Variants in FXYD4 observed in about 807,000 individuals in gnomAD.
FXYD4 encodes the protein FXYD domain-containing ion transport regulator 4.
A neutral mutation model predicts 18.3 loss-of-function variants in FXYD4; 14 were observed. That is an observed-to-expected ratio of 0.77 (90% CI 0.51 to 1.20). The LOEUF (loss-of-function observed/expected upper bound fraction) is 1.20. Among genes scored for constraint, FXYD4 ranks in the 50% most tolerant of loss-of-function variants. The probability of loss-of-function intolerance (pLI) is 0.00; values close to 1 mark genes in which losing one functional copy is unlikely to be tolerated. For synonymous variants in FXYD4, 40 were observed against 40.5 expected (o/e 0.99, Z 0.04); for missense variants, 99 against 106.1 (o/e 0.93, Z 0.29).
intron 5 of FXYD4, 62 bp downstream of exon 5, chr10:43,374,701 A>G: frequency 7.3e-7 from 1 of 1,372,038 alleles, no homozygotes; most frequent in East Asian, 2.3e-5. Context: ...TTTGCTAGAC[A>G]AGTTGGTGAG....
intron 7 of FXYD4, 122 bp downstream of exon 7, chr10:43,375,856 A>G (rs1340872824): frequency 8.0e-7 from 1 of 1,245,986 alleles, no homozygotes; most frequent in East Asian, 2.3e-5. Context: ...TGTTATTCAG[A>G]TAGTCAACCC....
rs74661443 is a variant in FXYD4, at chr10:43,371,691, C to T, written c.-285C>T. 13,537 of 152,212 alleles carry T rather than the reference C, an allele frequency of 0.089. 765 individuals are homozygous for T. Among genetic ancestry groups the T allele is most frequent in the Non-Finnish European group, 0.12 (8,070 of 68,050 alleles). 9.4% of individuals were successfully genotyped at this position (152,212 alleles called of 1,614,324 possible). On this transcript the variant is annotated 5_prime_UTR_variant, in exon 1 of 9. Transcript: ENST00000476166. ...TCAGGTGAGCCCTCGCCAAGGTGAC[C>T]TCGCAGGTGAGCAGGCGTCCACTTT...
In FXYD4 at chr10:43,374,657, C is replaced by T. The variant is rs1837847099; in HGVS notation, c.97+18C>T. 1.3e-6 allele frequency: 2 copies of T among 1,600,000 alleles called. No homozygotes were observed. The highest frequency in any genetic ancestry group is 1.7e-6 in the Non-Finnish European group (2 of 1,167,122). On this transcript the variant is annotated intron_variant, in intron 5 of 8. Coordinates refer to ENST00000476166, the MANE Select transcript of FXYD4 (RefSeq NM_173160.3). ...CTACTATGGTAAGAGCTGATATTCC[C>T]ACCCCCACCCTACCCTTGCCTATCC...
intron 3 of FXYD4, 144 bp from the exon 4 acceptor site, chr10:43,374,326 T>A (rs2131948131): frequency 1.3e-6 from 1 of 783,630 alleles, no homozygotes; most frequent in Non-Finnish European, 2.3e-6. Flanking sequence ...ACCCTGAGGC[T>A]GTGTGGGGCT....
chr10:43,376,064 C>T lies in FXYD4; in HGVS notation c.245C>T (p.Thr82Ile), dbSNP rs975702421. The change falls in exon 8 of 9, where the codon ACT becomes ATT. Residue 82 changes from threonine (T) to isoleucine (I), a missense_variant. Physicochemically the swap from Thr to Ile is moderately conservative, Grantham distance 89. Transcript: ENST00000476166. ...CCTGAGAAGGCCATCCCACTCATCA[C>T]TCCAGGTGAGACGGGCTTCTGTGGG... is the stretch of plus-strand genomic sequence containing the variant. ...PVPEKAIPLITPGSATTC is the reference protein window; with the variant it reads ...PVPEKAIPLIIPGSATTC 2.2e-5 allele frequency: 36 copies of T among 1,614,020 alleles called. No individual in the cohort carries two copies.
chr10:43,371,940 A>T (rs1837812111), intron 1 of FXYD4, among the ~76,000 whole-genome samples: 1 of 151,650 alleles, frequency 6.6e-6, no homozygotes, highest in Non-Finnish European at 1.5e-5. Context: ...ACTGCTTGAG[A>T]TACTCAGGTG....
rs149084649 is a variant in FXYD4 at position 43,374,816 on chromosome 10, A to G, written c.97+177A>G. On this transcript the variant is annotated intron_variant, in intron 5 of 8. Coordinates refer to ENST00000476166, the MANE Select transcript of FXYD4 (RefSeq NM_173160.3). ...GAGGGTGGCCACAGGATGCTTAGGA[A>G]CCCTCCTGGAGAAGGGCTGGTGCCT... Among the ~76,000 whole-genome samples, 170 of 151,122 alleles carry G rather than the reference A, an allele frequency of 1.1e-3. 3 individuals are homozygous for G. The highest frequency in any genetic ancestry group is 3.9e-3 in the African/African-American group (159 of 41,084).
At chr10:43,375,755 C>T in intron 7 of FXYD4, 21 bp downstream of exon 7, 1 of 1,612,914 alleles carries the variant, frequency 6.2e-7, no homozygotes, top group Non-Finnish European at 8.5e-7. Flanking sequence ...CCCTATGGTG[C>T]CCTCCTCCTT....
rs1026693121 is a variant in FXYD4, at chr10:43,374,646, G to A, written c.97+7G>A. On this transcript the variant is annotated splice_region_variant and intron_variant, in intron 5 of 8. Transcript: ENST00000476166. ...GACGATCCCTTCTACTATGGTAAGA[G>A]CTGATATTCCCACCCCCACCCTACC... 5.0e-6 allele frequency: 8 copies of A among 1,610,750 alleles called. No individual in the cohort carries two copies. The highest frequency in any genetic ancestry group is 6.8e-6 in the Non-Finnish European group (8 of 1,176,960).
Position 43,374,623 on chromosome 10 carries a change from C to A in FXYD4, c.81C>A (p.Asp27Glu), listed in dbSNP as rs140710266. 6.2e-7 allele frequency: 1 copy of A among 1,613,328 alleles called. No individual in the cohort carries two copies. The highest frequency in any genetic ancestry group is 1.1e-5 in the South Asian group (1 of 91,066). The change falls in exon 5 of 9, where the codon GAC becomes GAA. Residue 27 changes from aspartate (D) to glutamate (E), a missense_variant. Physicochemically the swap from Asp to Glu is conservative, Grantham distance 45 (BLOSUM62 2). Transcript: ENST00000476166. ...LEANDPFANK[D>E]DPFYYDWKNL... is the part of the protein sequence containing the mutation. ...CCCCACTTTTTCTAGCCAATAAAGA[C>A]GATCCCTTCTACTATGGTAAGAGCT... is the stretch of plus-strand genomic sequence containing the variant.
chr10:43,374,688 C>G, intron 5 of FXYD4, 49 bp downstream of exon 5: 1 of 1,481,636 alleles, frequency 6.7e-7, no homozygotes, highest in Non-Finnish European at 9.4e-7. Context: ...TATCCTGGAC[C>G]TCTTTGCTAG....
In FXYD4 at chr10:43,373,733, C is replaced by G. The variant is rs980925805; in HGVS notation, c.-14C>G. The G allele has an allele frequency of 1.9e-6, 3 of 1,593,692 alleles. No individual in the cohort carries two copies. The highest frequency in any genetic ancestry group is 2.7e-5 in the African/African-American group (2 of 74,446). On this transcript the variant is annotated 5_prime_UTR_variant, in exon 3 of 9. Coordinates refer to ENST00000476166, the MANE Select transcript of FXYD4 (RefSeq NM_173160.3). ...GTGCCTCTCCCCCTGCAGCCCTGCC[C>G]CTCGAACTGTGACATGGAGAGAGTG...
intron 1 of FXYD4, among the ~76,000 whole-genome samples, chr10:43,372,211 A>G (rs1229813639): frequency 6.6e-6 from 1 of 152,108 alleles, no homozygotes; most frequent in Non-Finnish European, 1.5e-5. Context: ...CGATGTTCAG[A>G]AGCAGTGCCT....
At position 43,376,270 on chromosome 10, in the gene FXYD4, A is replaced by G. The variant is rs1020164482; in HGVS notation, c.*104A>G. 4 of 1,226,408 alleles carry G rather than the reference A, an allele frequency of 3.3e-6. No individual in the cohort carries two copies. The highest frequency in any genetic ancestry group is 4.7e-5 in the East Asian group (2 of 42,338). 76.0% of individuals were successfully genotyped at this position (1,226,408 alleles called of 1,614,324 possible). A position where few individuals can be genotyped will look rare whatever the true frequency, so the allele number is the denominator to read the frequency against. ...CAAGGAAGGACTTCTCTCCAAGGGC[A>G]GGCTGTTAGGCCCCTTTCTGATCAG... On this transcript the variant is annotated 3_prime_UTR_variant, in exon 9 of 9. Transcript: ENST00000476166.
At chr10:43,374,980 T>C (rs186572377) in intron 5 of FXYD4, among the ~76,000 whole-genome samples, 1 of 151,542 alleles carries the variant, frequency 6.6e-6, no homozygotes, top group East Asian at 1.9e-4. Flanking sequence ...ACAGCTTTCC[T>C]TGATCATCCT....
In FXYD4 at chr10:43,374,599, C is replaced by T. The variant is rs748738358; in HGVS notation, c.71-14C>T. 6.8e-6 allele frequency: 11 copies of T among 1,613,460 alleles called. No homozygotes were observed. In the Admixed American group the frequency reaches 1.7e-4, roughly 24 times the overall value. ...GGTTCTGGTTCTGAAGTCTTTTTGC[C>T]CCACTTTTTCTAGCCAATAAAGACG... is the stretch of plus-strand genomic sequence containing the variant. On this transcript the variant is annotated splice_polypyrimidine_tract_variant and intron_variant, in intron 4 of 8. Transcript: ENST00000476166.
chr10:43,375,021 C>CTT lies in FXYD4; in HGVS notation c.97+404_97+405dup, dbSNP rs964746350. Among the ~76,000 whole-genome samples, 910 of 93,470 alleles carry CTT rather than the reference C, an allele frequency of 9.7e-3. 8 individuals carry two copies. Among genetic ancestry groups the CTT allele is most frequent in the Non-Finnish European group, 0.011 (553 of 50,176 alleles). 61.3% of individuals were successfully genotyped at this position (93,470 alleles called of 152,430 possible). ...GCCCTTTCTTTGCGCATGTCCACTT[C>CTT]TTTTTTTTTTTTTTTTTTTTTTTGA... On this transcript the variant is annotated intron_variant, in intron 5 of 8. Coordinates refer to ENST00000476166, the MANE Select transcript of FXYD4 (RefSeq NM_173160.3).
chr10:43,375,354 CACGAG>C lies in FXYD4; in HGVS notation c.98-141_98-137del. ...ACTTTTTTTCTTCTTAGTGTTTCCC[CACGAG>C]ACGCAGAATGATGCCTCTGTTGCTG... On this transcript the variant is annotated intron_variant, in intron 5 of 8. Transcript: ENST00000476166. The C allele has an allele frequency of 3.2e-5, 21 of 647,904 alleles. 1 individual carries two copies. In the South Asian group the frequency reaches 3.4e-4, roughly 11 times the overall value. 40.1% of individuals were successfully genotyped at this position (647,904 alleles called of 1,614,324 possible). A position where few individuals can be genotyped will look rare whatever the true frequency, so the allele number is the denominator to read the frequency against.
chr10:43,373,578 A>AAGTG lies in FXYD4; in HGVS notation c.-168_-165dup. 1.6e-6 allele frequency: 1 copy of AAGTG among 642,326 alleles called. No individual in the cohort carries two copies. The highest frequency in any genetic ancestry group is 2.8e-6 in the Non-Finnish European group (1 of 355,404). 39.8% of individuals were successfully genotyped at this position (642,326 alleles called of 1,614,324 possible). ...ACTTTCCCAAGATCTCCCCACAAGC[A>AAGTG]AGTGTATCCTTGGGGTTTGTACACC... On this transcript the variant is annotated 5_prime_UTR_variant, in exon 3 of 9. It removes the in-frame stop codon of an upstream open reading frame in the 5' UTR. Coordinates refer to ENST00000476166, the MANE Select transcript of FXYD4 (RefSeq NM_173160.3).
Sources: gnomAD v4.1 joint callset for allele counts (sites outside exome capture counted in the v4.1 genomes callset) on GRCh38, gnomAD v4.1.1 for gene constraint, MANE v1.5 for transcripts, NCBI Gene and HGNC (gene_info 2026-07-23, HGNC 2026-07-21) for gene names.